PDCD6: variants seen among roughly 807,000 people sequenced by gnomAD.
PDCD6 encodes programmed cell death protein 6.
Under a neutral mutation model 28.3 loss-of-function variants are expected in PDCD6, and 12 were observed. The observed-to-expected ratio is 0.42, with a 90% confidence interval of 0.27 to 0.69. The LOEUF is 0.69. Ranked by LOEUF, PDCD6 falls within the 30% of genes least tolerant of loss-of-function variation. PDCD6 has a pLI of 0.22. For missense variants in PDCD6, 226 were observed against 269.9 expected (o/e 0.84, Z 1.14); for synonymous variants, 92 against 108.0 (o/e 0.85, Z 0.92).
chr5:307,514 C>T lies in PDCD6; in HGVS notation c.367+754C>T, dbSNP rs542393610. 1.3e-5 allele frequency among the ~76,000 whole-genome samples: 2 copies of T among 152,278 alleles called. No individual in the cohort carries two copies. The highest frequency in any genetic ancestry group is 4.8e-5 in the African/African-American group (2 of 41,556). On this transcript the variant is annotated intron_variant, in intron 4 of 5. Coordinates refer to ENST00000264933, the MANE Select transcript of PDCD6 (RefSeq NM_013232.4). This position sits in a 1 kb window ranked among gnomAD's most constrained non-coding sequence, Gnocchi z 6.1. ...GTGTTCACAGTGCCTGTCCAGAGTGCGTCCATAGGGCCTGTCCACGGGGCT... is the reference window on the plus strand; with the variant it reads ...GTGTTCACAGTGCCTGTCCAGAGTGTGTCCATAGGGCCTGTCCACGGGGCT...
At chr5:284,566 G>A (rs773682614) in intron 2 of PDCD6, among the ~76,000 whole-genome samples, 1 of 152,178 alleles carries the variant, frequency 6.6e-6, no homozygotes, top group Non-Finnish European at 1.5e-5. Flanking sequence ...GAGACCCAGC[G>A]GGAAGCTGAT....
Position 306,726 on chromosome 5 carries a change from T to C in PDCD6, c.333T>C (p.Asp111=), listed in dbSNP as rs140458689. ...ACCGGGACAACTCCGGGATGATCGA[T>C]AAGAACGAGCTGAAGCAGGCCCTCT... The part of the protein sequence containing the change: ...TYDRDNSGMI[D]KNELKQALSG... Residue 111 remains aspartate, a synonymous_variant, in exon 4 of 6, where the codon GAT becomes GAC. Coordinates refer to ENST00000264933, the MANE Select transcript of PDCD6 (RefSeq NM_013232.4). 1.2e-6 allele frequency: 2 copies of C among 1,614,050 alleles called. No homozygotes were observed. The highest frequency in any genetic ancestry group is 1.7e-6 in the Non-Finnish European group (2 of 1,180,034).
At chr5:279,004 G>C (rs926523152) in intron 2 of PDCD6, among the ~76,000 whole-genome samples, 11 of 152,080 alleles carry the variant, frequency 7.2e-5, no homozygotes, top group Non-Finnish European at 1.5e-4. Context: ...CTAATATCTT[G>C]TTCTTCCCAA....
intron 2 of PDCD6, among the ~76,000 whole-genome samples, chr5:299,770 C>T (rs554755108): frequency 2.4e-3 from 369 of 152,230 alleles, no homozygotes; most frequent in Non-Finnish European, 3.6e-3. Context: ...AGGATGGTCT[C>T]GATCTCCTCA....
intron 2 of PDCD6, among the ~76,000 whole-genome samples, chr5:291,487 A>AAATG (rs1307556273): frequency 2.0e-5 from 3 of 149,710 alleles, no homozygotes; most frequent in South Asian, 2.1e-4. Context: ...TTGCTGCGTG[A>AAATG]TCTCCCATCT....
At chr5:304,826 G>T (rs557453049) in intron 3 of PDCD6, 1 of 152,186 alleles carries the variant, frequency 6.6e-6, no homozygotes, top group South Asian at 2.1e-4. Context: ...TTTGGGTCCA[G>T]GGTCTCCCCA....
intron 2 of PDCD6, among the ~76,000 whole-genome samples, chr5:287,619 A>T (rs933612528): frequency 6.6e-6 from 1 of 152,032 alleles, no homozygotes; most frequent in African/African-American, 2.4e-5. Flanking sequence ...TCAATCAGTT[A>T]GTCAAATAAA....
At chr5:288,253 G>GA (rs1739096163) in intron 2 of PDCD6, among the ~76,000 whole-genome samples, 1 of 146,784 alleles carries the variant, frequency 6.8e-6, no homozygotes, top group South Asian at 2.1e-4. Flanking sequence ...TATGGAAACA[G>GA]AAAAATATAA....
intron 2 of PDCD6, among the ~76,000 whole-genome samples, chr5:302,070 CTGTGTGTG>C (rs369323059): frequency 4.3e-4 from 25 of 57,748 alleles, no homozygotes; most frequent in Admixed American, 1.2e-3. Context: ...GAGTGCTGCT[CTGTGTGTG>C]TGTGTGTGTG....
chr5:279,740 A>C (rs1450935914), intron 2 of PDCD6, among the ~76,000 whole-genome samples: 1 of 149,096 alleles, frequency 6.7e-6, no homozygotes, highest in Non-Finnish European at 1.5e-5. Context: ...AATAAATATA[A>C]ATGATTCTAA....
intron 1 of PDCD6, among the ~76,000 whole-genome samples, chr5:272,220 G>A (rs1162687281): frequency 4.6e-5 from 6 of 131,714 alleles, no homozygotes; most frequent in Admixed American, 3.7e-4. Context: ...GGGTCTCCAG[G>A]GTGCTTGTTT....
intron 2 of PDCD6, chr5:275,991 T>A: frequency 7.8e-7 from 1 of 1,286,642 alleles, no homozygotes. Context: ...TCTAAGCTTC[T>A]TCTGCCTTTC....
chr5:300,634 G>A (rs1313854385), intron 2 of PDCD6, among the ~76,000 whole-genome samples: 17 of 152,336 alleles, frequency 1.1e-4, no homozygotes, highest in South Asian at 6.2e-4. Flanking sequence ...TAATGTAACC[G>A]AGGCGTGAAA....
chr5:295,663 A>G (rs1739566490), intron 2 of PDCD6, among the ~76,000 whole-genome samples: 1 of 145,934 alleles, frequency 6.9e-6, no homozygotes, highest in Admixed American at 7.0e-5. Context: ...TCTTGTCCAC[A>G]TTCACCTTCG....
chr5:296,287 C>T (rs1371858125), intron 2 of PDCD6, among the ~76,000 whole-genome samples: 1 of 152,172 alleles, frequency 6.6e-6, no homozygotes, highest in Admixed American at 6.5e-5. Flanking sequence ...AGTGTCCTCT[C>T]CCCCACCCCA....
chr5:288,483 A>G (rs1189593762), intron 2 of PDCD6, among the ~76,000 whole-genome samples: 3 of 151,536 alleles, frequency 2.0e-5, no homozygotes, highest in African/African-American at 7.3e-5. Flanking sequence ...TTTCATATGT[A>G]TAAACTAAAT....
At chr5:283,765 T>G (rs11959126) in intron 2 of PDCD6, among the ~76,000 whole-genome samples, 36,496 of 148,786 alleles carry the variant, frequency 0.25, 6,820 homozygotes, top group African/African-American at 0.53. Context: ...CTAGTTTGAG[T>G]GTCTTGCAGC....
At chr5:294,592 C>T (rs1298596262) in intron 2 of PDCD6, among the ~76,000 whole-genome samples, 1 of 152,258 alleles carries the variant, frequency 6.6e-6, no homozygotes, top group Non-Finnish European at 1.5e-5. Flanking sequence ...TCATAAGCTG[C>T]AGTGGGAATG....
intron 2 of PDCD6, among the ~76,000 whole-genome samples, chr5:295,243 C>T (rs1384268404): frequency 6.6e-6 from 1 of 152,028 alleles, no homozygotes; most frequent in Admixed American, 6.6e-5. Context: ...ATTTCATAAG[C>T]GTATTGGACT....
Sources: gnomAD v4.1 joint callset for allele counts (sites outside exome capture counted in the v4.1 genomes callset) on GRCh38, gnomAD v4.1.1 for gene constraint, Gnocchi (gnomAD v3.1) non-coding constraint, MANE v1.5 for transcripts, NCBI Gene and HGNC (gene_info 2026-07-23, HGNC 2026-07-21) for gene names.